The following SIPA1L3 variants were observed in gnomAD, a reference collection of about 807,000 sequenced individuals.
The protein encoded by SIPA1L3 is signal induced proliferation associated 1 like 3.
A neutral mutation model predicts 150.1 loss-of-function variants in SIPA1L3; 59 were observed. That is an observed-to-expected ratio of 0.39 (90% confidence interval 0.32 to 0.49). SIPA1L3 has a LOEUF of 0.49. Ranked by LOEUF, SIPA1L3 falls within the 20% of genes least tolerant of loss-of-function variation. SIPA1L3 has a pLI of 0.86. For synonymous variants in SIPA1L3, 1,070 were observed against 1,077.6 expected (o/e 0.99, Z 0.14); for missense variants, 2,211 against 2,489.5 (o/e 0.89, Z 2.38).
At chr19:37,949,882 TC>T (rs1463070991) in intron 1 of SIPA1L3, among the ~76,000 whole-genome samples, 31 of 151,814 alleles carry the variant, frequency 2.0e-4, no homozygotes, top group African/African-American at 7.3e-4. Context: ...ATTGAAACCA[TC>T]CTGGCCAAAA....
intron 1 of SIPA1L3, among the ~76,000 whole-genome samples, chr19:38,014,277 G>A (rs997753031): frequency 2.0e-5 from 3 of 152,178 alleles, no homozygotes; most frequent in African/African-American, 7.2e-5. Flanking sequence ...CACTGACCAT[G>A]GCAGGCAATC....
At chr19:37,984,365 G>A (rs1967288914) in intron 1 of SIPA1L3, among the ~76,000 whole-genome samples, 1 of 152,148 alleles carries the variant, frequency 6.6e-6, no homozygotes, top group South Asian at 2.1e-4. Flanking sequence ...GCTAGAAGGA[G>A]TGGTGGGGAG....
At chr19:37,986,990 C>T (rs1485635331) in intron 1 of SIPA1L3, among the ~76,000 whole-genome samples, 2 of 152,014 alleles carry the variant, frequency 1.3e-5, no homozygotes, top group East Asian at 1.9e-4. Context: ...TGCAGTGGTG[C>T]GATCTCGGCT....
chr19:37,979,263 G>T (rs1967144099), intron 1 of SIPA1L3, among the ~76,000 whole-genome samples: 1 of 151,316 alleles, frequency 6.6e-6, no homozygotes, highest in Non-Finnish European at 1.5e-5. Context: ...TGAAATTTAG[G>T]TTTCGCCAGG....
At chr19:38,141,144 G>C in intron 10 of SIPA1L3, 40 bp from the exon 11 acceptor site, 1 of 1,527,982 alleles carries the variant, frequency 6.5e-7, no homozygotes, top group Non-Finnish European at 8.8e-7. Flanking sequence ...ACGTGTTGGT[G>C]GGCTGGGGCC....
At chr19:37,913,051 T>C (rs2046389269) in intron 1 of SIPA1L3, among the ~76,000 whole-genome samples, 1 of 152,116 alleles carries the variant, frequency 6.6e-6, no homozygotes. Flanking sequence ...GAAGGTGGCT[T>C]AGGTGGCGGG....
At position 38,152,462 on chromosome 19, in the gene SIPA1L3, C is replaced by CGA. The variant is rs151041781; in HGVS notation, c.3534-372_3534-371dup. On this transcript the variant is annotated intron_variant, in intron 12 of 21. Coordinates refer to ENST00000222345, the MANE Select transcript of SIPA1L3 (RefSeq NM_015073.3). ...CTGTCTCCATCAGAGCAAGGCAGCC[C>CGA]GAGAGAGGCCTGGGGCAGTAGCTGC... 2.7e-3 allele frequency among the ~76,000 whole-genome samples: 410 copies of CGA among 152,284 alleles called. 2 individuals carry two copies. The highest frequency in any genetic ancestry group is 9.6e-3 in the African/African-American group (398 of 41,558).
At position 38,162,295 on chromosome 19, in the gene SIPA1L3, T is replaced by C; in HGVS notation, c.3704T>C (p.Ile1235Thr). The C allele has an allele frequency of 2.5e-6, 4 of 1,614,218 alleles. No homozygotes were observed. The highest frequency in any genetic ancestry group is 2.5e-6 in the Non-Finnish European group (3 of 1,180,030). The change falls in exon 14 of 22, where the codon ATA (isoleucine) becomes ACA (threonine). Residue 1235 changes from isoleucine to threonine, a missense_variant. Physicochemically the swap from Ile to Thr is moderately conservative, Grantham distance 89. Around this residue, in one of 5 missense-constraint regions of SIPA1L3, gnomAD observed 806 missense variants for 870.1 expected, o/e 0.93. Transcript: ENST00000222345. ...HVPAQARLSA[I>T]AGSSGNKHPS... ...CCTGCCCAGGCCAGGCTCTCAGCCATAGCCGGAAGCAGCGGGAACAAGCAC... is the reference window on the plus strand; with the variant it reads ...CCTGCCCAGGCCAGGCTCTCAGCCACAGCCGGAAGCAGCGGGAACAAGCAC...
At position 38,141,325 on chromosome 19, in the gene SIPA1L3, C is replaced by T. The variant is rs767862560; in HGVS notation, c.3285C>T (p.Ala1095=). ...SGPASHNSLP[A]SKWATPTTPG... ...CCGCATCCCATAACTCTCTACCAGC[C>T]TCCAAGTGGGCCACTCCAACCACTC... Residue 1095 remains alanine (A), a synonymous_variant, in exon 11 of 22, where the codon GCC becomes GCT. Coordinates refer to ENST00000222345, the MANE Select transcript of SIPA1L3 (RefSeq NM_015073.3). The T allele has an allele frequency of 1.8e-5, 29 of 1,613,946 alleles. No individual in the cohort carries two copies. Among genetic ancestry groups the T allele is most frequent in the Non-Finnish European group, 2.2e-5 (26 of 1,180,004 alleles).
chr19:38,153,331 C>A (rs1386314193), intron 13 of SIPA1L3, among the ~76,000 whole-genome samples: 3 of 152,192 alleles, frequency 2.0e-5, no homozygotes, highest in Non-Finnish European at 4.4e-5. Context: ...ATTACATAAA[C>A]CCTCCTGTGT....
rs1600097240 is a variant in SIPA1L3 at position 38,119,787 on chromosome 19, A to G, written c.2773A>G (p.Thr925Ala). 2.5e-6 allele frequency: 4 copies of G among 1,613,900 alleles called. No individual in the cohort carries two copies. Among genetic ancestry groups the G allele is most frequent in the Non-Finnish European group, 3.4e-6 (4 of 1,180,018 alleles). Reference protein sequence around the residue: ...DVIGWTPDSSTLKIFYGRGDH... With the variant: ...DVIGWTPDSSALKIFYGRGDH... ...CATTGGCTGGACTCCAGACTCCTCC[A>G]CACTCAAAATCTTCTATGGACGAGG... The change falls in exon 9 of 22, where the codon ACA becomes GCA. Residue 925 changes from threonine (T) to alanine (A), a missense_variant. Physicochemically the swap from Thr to Ala is moderately conservative, Grantham distance 58. Around this residue, in one of 5 missense-constraint regions of SIPA1L3, gnomAD observed 625 missense variants for 804.2 expected, o/e 0.78. Coordinates refer to ENST00000222345, the MANE Select transcript of SIPA1L3 (RefSeq NM_015073.3).
chr19:38,206,186 C>T lies in SIPA1L3; in HGVS notation c.5292C>T (p.Ser1764=), dbSNP rs147184342. The T allele has an allele frequency of 2.7e-4, 421 of 1,556,894 alleles. 3 individuals are homozygous for T. The East Asian group carries it at 8.0e-3, about 30-fold the overall frequency. Residue 1764 remains serine (S), a synonymous_variant, in exon 22 of 22, where the codon AGC becomes AGT. Coordinates refer to ENST00000222345, the MANE Select transcript of SIPA1L3 (RefSeq NM_015073.3). ...QRLQEESQAA[S]EQLRKFAEIF... ...TGCAGGAGGAGTCGCAGGCCGCCAG[C>T]GAGCAGCTGCGCAAGTTTGCGGAGA...
intron 8 of SIPA1L3, among the ~76,000 whole-genome samples, chr19:38,113,610 A>C (rs1970816647): frequency 6.6e-6 from 1 of 151,952 alleles, no homozygotes; most frequent in Admixed American, 6.6e-5. Flanking sequence ...CTCTCTCAAA[A>C]AAAAAAACCA....
In SIPA1L3 at chr19:38,081,559, G is replaced by A. The variant is rs778095022; in HGVS notation, c.-7G>A. On this transcript the variant is annotated 5_prime_UTR_variant, in exon 3 of 22. The change creates a new upstream start codon in the 5' untranslated region. Transcript: ENST00000222345. The stretch of plus-strand genomic sequence containing the variant: ...CGGGGCCAGCAGCACTCCAGTGCCC[G>A]TGGACTATGACCACCTATCGGGCCA... 3.2e-6 allele frequency: 5 copies of A among 1,570,278 alleles called. No homozygotes were observed. The highest frequency in any genetic ancestry group is 2.3e-5 in the South Asian group (2 of 85,816).
At chr19:37,936,714 G>A (rs1283159125) in intron 1 of SIPA1L3, among the ~76,000 whole-genome samples, 2 of 152,222 alleles carry the variant, frequency 1.3e-5, no homozygotes, top group African/African-American at 2.4e-5. Flanking sequence ...CAAGGGCATG[G>A]TGGAGTTGAG....
intron 13 of SIPA1L3, among the ~76,000 whole-genome samples, chr19:38,160,604 C>A (rs1376683410): frequency 6.6e-6 from 1 of 151,314 alleles, no homozygotes; most frequent in Non-Finnish European, 1.5e-5. Flanking sequence ...GGGGTTTCAC[C>A]ATGTTGGACA....
intron 2 of SIPA1L3, among the ~76,000 whole-genome samples, chr19:38,052,547 A>T (rs531668399): frequency 6.6e-6 from 1 of 152,332 alleles, no homozygotes; most frequent in Admixed American, 6.5e-5. Context: ...GTCCTGGGAA[A>T]TGTAGTTCCC....
chr19:37,985,245 G>A (rs1967318698), intron 1 of SIPA1L3, among the ~76,000 whole-genome samples: 1 of 149,114 alleles, frequency 6.7e-6, no homozygotes, highest in South Asian at 2.1e-4. Context: ...TGCCCAGGCT[G>A]GAGTGCAGTG....
chr19:37,943,032 CTCTTTTTTTT>C (rs1464827995), intron 1 of SIPA1L3, among the ~76,000 whole-genome samples: 1 of 114,576 alleles, frequency 8.7e-6, no homozygotes, highest in East Asian at 2.8e-4. Flanking sequence ...CTCTCTCTCT[CTCTTTTTTTT>C]TTTTTTTTTT....
Sources: gnomAD v4.1 joint callset for allele counts (sites outside exome capture counted in the v4.1 genomes callset) on GRCh38, gnomAD v4.1.1 for gene constraint, gnomAD v4.1.1 regional missense constraint, MANE v1.5 for transcripts, NCBI Gene and HGNC (gene_info 2026-07-23, HGNC 2026-07-21) for gene names.